SUMF1: variants seen among roughly 807,000 people sequenced by gnomAD.
The protein encoded by SUMF1 is sulfatase modifying factor 1.
A neutral mutation model predicts 47.6 loss-of-function variants in SUMF1; 48 were observed. That is an observed-to-expected ratio of 1.01 (90% CI 0.80 to 1.28). The LOEUF is 1.28. Ranked by LOEUF, SUMF1 falls within the 50% of genes most tolerant of loss-of-function variation. SUMF1 has a pLI of 0.00. For missense variants in SUMF1, 571 were observed against 485.4 expected, an observed-to-expected ratio of 1.18 and a Z score of -1.66; for synonymous variants, 230 against 192.1, an observed-to-expected ratio of 1.20 and a Z score of -1.63.
intron 7 of SUMF1, among the ~76,000 whole-genome samples, chr3:4,403,083 C>T (rs556237237): frequency 6.6e-6 from 1 of 152,328 alleles, no homozygotes; most frequent in Admixed American, 6.5e-5. Flanking sequence ...CCATGTATCC[C>T]ATGCTATCTG....
rs566473179 is a variant in SUMF1 at position 4,452,834 on chromosome 3, T to C, written c.444+42A>G. On this transcript the variant is annotated intron_variant, in intron 2 of 8. Transcript: ENST00000272902. ...GCTATTAAAGCATTCTTAAAAGTTC[T>C]GGAAAAGAACAAGTTCTCCCTCCTT... 5.6e-6 allele frequency: 9 copies of C among 1,612,482 alleles called. 1 individual carries two copies. The South Asian group carries it at 8.8e-5, about 16-fold the overall frequency.
At chr3:4,461,679 AAGCC>A (rs1165416632) in intron 1 of SUMF1, among the ~76,000 whole-genome samples, 1 of 152,032 alleles carries the variant, frequency 6.6e-6, no homozygotes, top group Non-Finnish European at 1.5e-5. Context: ...AGTGCTGAAT[AAGCC>A]AAGTTTCCAT....
chr3:4,334,857 A>G (rs751895299), intron 8 of SUMF1, among the ~76,000 whole-genome samples: 1 of 152,186 alleles, frequency 6.6e-6, no homozygotes, highest in African/African-American at 2.4e-5. Flanking sequence ...TTTTGCACCT[A>G]TTTTAGTCAA....
chr3:4,072,825 T>C (rs1460261458), intron 8 of SUMF1, among the ~76,000 whole-genome samples: 2 of 152,058 alleles, frequency 1.3e-5, no homozygotes, highest in Admixed American at 6.6e-5. Context: ...CCAAGAAATA[T>C]GGGACTATGT....
At chr3:4,134,734 T>C (rs1693882128) in intron 8 of SUMF1, among the ~76,000 whole-genome samples, 1 of 151,562 alleles carries the variant, frequency 6.6e-6, no homozygotes, top group Non-Finnish European at 1.5e-5. Context: ...GCAAGACTAA[T>C]AAAGAAGAAA....
chr3:4,094,451 G>T (rs745570859), intron 8 of SUMF1, among the ~76,000 whole-genome samples: 5 of 152,058 alleles, frequency 3.3e-5, no homozygotes, highest in Non-Finnish European at 5.9e-5. Flanking sequence ...GGATATCAGT[G>T]TAGTGAAAAA....
chr3:4,039,269 T>G (rs1694866309), intron 9 of SUMF1, among the ~76,000 whole-genome samples: 2 of 107,690 alleles, frequency 1.9e-5, no homozygotes, highest in Admixed American at 2.1e-4. Flanking sequence ...ATGTGCACAT[T>G]GTGCAGGTTA....
At chr3:4,334,333 A>G (rs1699104618) in intron 8 of SUMF1, among the ~76,000 whole-genome samples, 1 of 152,158 alleles carries the variant, frequency 6.6e-6, no homozygotes, top group Non-Finnish European at 1.5e-5. Flanking sequence ...TTCTTTTGCA[A>G]AGGTATCTTC....
intron 8 of SUMF1, among the ~76,000 whole-genome samples, chr3:4,220,242 C>G (rs1420024807): frequency 6.6e-6 from 1 of 152,102 alleles, no homozygotes; most frequent in East Asian, 1.9e-4. Flanking sequence ...GTGTGCTGCA[C>G]TTCATACGAG....
chr3:4,101,371 T>C (rs1334423005), intron 8 of SUMF1, among the ~76,000 whole-genome samples: 2 of 152,120 alleles, frequency 1.3e-5, no homozygotes, highest in Non-Finnish European at 2.9e-5. Context: ...AGGGCCTGCA[T>C]TATATTAAGT....
intron 7 of SUMF1, among the ~76,000 whole-genome samples, chr3:4,396,824 T>A (rs3864052): frequency 0.029 from 4,488 of 152,256 alleles, 119 homozygotes; most frequent in African/African-American, 0.066. Flanking sequence ...AGGAGAATGA[T>A]TAATTCTCTG....
chr3:4,173,661 A>C (rs1289859682), intron 8 of SUMF1, among the ~76,000 whole-genome samples: 2 of 152,372 alleles, frequency 1.3e-5, no homozygotes, highest in Admixed American at 6.5e-5. Context: ...TGGATTAAAA[A>C]AATGTGGCAC....
chr3:4,090,179 T>G (rs1207107206), intron 8 of SUMF1, among the ~76,000 whole-genome samples: 3 of 152,150 alleles, frequency 2.0e-5, no homozygotes, highest in African/African-American at 2.4e-5. Context: ...CAGCAGGTCC[T>G]CGAATAATGC....
In SUMF1 at chr3:4,172,255, G is replaced by A. The variant is rs555269347; in HGVS notation, c.1015-103510C>T. On this transcript the variant is annotated intron_variant and NMD_transcript_variant, in intron 8 of 12. Coordinates refer to the SUMF1 transcript ENST00000448413. ...TATTAAAGATGACTCCCAGATTTCC[G>A]TTTTGGGGAAACTGAGTGAATAGTG... Among the ~76,000 whole-genome samples, 370 of 152,236 alleles carry A rather than the reference G, an allele frequency of 2.4e-3. 3 individuals are homozygous for A. Among genetic ancestry groups the A allele is most frequent in the Middle Eastern group, 6.8e-3 (2 of 294 alleles).
chr3:4,094,068 A>G (rs939416962), intron 8 of SUMF1, among the ~76,000 whole-genome samples: 24 of 152,176 alleles, frequency 1.6e-4, no homozygotes, highest in Non-Finnish European at 3.2e-4. Context: ...GAACTGATAC[A>G]GAAAATAAAT....
At chr3:4,166,403 C>T (rs1694707256) in intron 8 of SUMF1, among the ~76,000 whole-genome samples, 2 of 152,108 alleles carry the variant, frequency 1.3e-5, no homozygotes, top group Admixed American at 1.3e-4. Flanking sequence ...TCATGAATAG[C>T]CTTTGTTAGG....
chr3:4,056,634 G>A (rs1695196136), intron 9 of SUMF1, among the ~76,000 whole-genome samples: 1 of 152,124 alleles, frequency 6.6e-6, no homozygotes, highest in Non-Finnish European at 1.5e-5. Context: ...ACTCCAGTGT[G>A]GGTGACAGAG....
At chr3:4,220,184 C>T (rs1171717056) in intron 8 of SUMF1, among the ~76,000 whole-genome samples, 1 of 152,140 alleles carries the variant, frequency 6.6e-6, no homozygotes, top group Non-Finnish European at 1.5e-5. Flanking sequence ...CAAGTTAATT[C>T]TGTGAGCATA....
intron 9 of SUMF1, among the ~76,000 whole-genome samples, chr3:4,060,391 A>G (rs758152159): frequency 1.3e-5 from 2 of 152,210 alleles, no homozygotes; most frequent in Non-Finnish European, 2.9e-5. Flanking sequence ...TACAATTTAT[A>G]TAATCTCTCT....
Sources: gnomAD v4.1 joint callset for allele counts (sites outside exome capture counted in the v4.1 genomes callset) on GRCh38, gnomAD v4.1.1 for gene constraint, MANE v1.5 for transcripts, NCBI Gene and HGNC (gene_info 2026-07-23, HGNC 2026-07-21) for gene names.